The following RAB3C variants were observed in gnomAD, a reference collection of about 807,000 sequenced individuals.
RAB3C encodes the protein ras-related protein Rab-3C.
RAB3C carries 17 observed loss-of-function variants against 26.4 expected under a neutral mutation model. That is an observed-to-expected ratio of 0.64 (90% CI 0.44 to 0.97). RAB3C has a LOEUF of 0.97. Ranked by LOEUF, RAB3C falls within the 50% of genes least tolerant of loss-of-function variation. The probability of loss-of-function intolerance (pLI) is 0.00; values close to 1 mark genes in which losing one functional copy is unlikely to be tolerated. For missense variants in RAB3C, 242 were observed against 281.9 expected, an observed-to-expected ratio of 0.86 and a Z score of 1.01; for synonymous variants, 91 against 95.9, an observed-to-expected ratio of 0.95 and a Z score of 0.30.
chr5:58,849,433 C>G (rs1214488230), intron 4 of RAB3C, among the ~76,000 whole-genome samples: 1 of 152,120 alleles, frequency 6.6e-6, no homozygotes, highest in African/African-American at 2.4e-5. Context: ...CTTGCCTTTC[C>G]CCAAATCTGG....
chr5:58,797,339 C>CA (rs1206716376), intron 3 of RAB3C, among the ~76,000 whole-genome samples: 460 of 12,600 alleles, frequency 0.037, 13 homozygotes, highest in Non-Finnish European at 0.071. Flanking sequence ...CCCTGGAAGA[C>CA]AAAAAAAAAA....
intron 2 of RAB3C, among the ~76,000 whole-genome samples, chr5:58,667,945 A>G (rs1748034265): frequency 6.6e-6 from 1 of 152,092 alleles, no homozygotes; most frequent in Non-Finnish European, 1.5e-5. Context: ...TTCATCCTCC[A>G]TTGGGCTCAA....
chr5:58,694,817 A>T (rs1292681716), intron 2 of RAB3C, among the ~76,000 whole-genome samples: 1 of 151,884 alleles, frequency 6.6e-6, no homozygotes, highest in Admixed American at 6.6e-5. Flanking sequence ...TTCTTTGTAG[A>T]TTCTGGATAT....
chr5:58,745,150 C>G (rs1159123562), intron 3 of RAB3C, among the ~76,000 whole-genome samples: 1 of 151,966 alleles, frequency 6.6e-6, no homozygotes, highest in African/African-American at 2.4e-5. Context: ...GTAATCCAAG[C>G]ACTTTGGGAG....
At chr5:58,705,184 C>A (rs1748919645) in intron 2 of RAB3C, among the ~76,000 whole-genome samples, 2 of 152,116 alleles carry the variant, frequency 1.3e-5, no homozygotes, top group South Asian at 2.1e-4. Context: ...TTCAGTGAAT[C>A]TCTGCTTTCA....
upstream of RAB3C, among the ~76,000 whole-genome samples, chr5:58,582,590 G>A (rs1389348889): frequency 1.3e-5 from 2 of 152,194 alleles, no homozygotes; most frequent in Admixed American, 1.3e-4. Flanking sequence ...CCCTACGTTT[G>A]GTGAATGAGA....
intron 1 of RAB3C, among the ~76,000 whole-genome samples, chr5:58,612,536 ATATATATATATG>A (rs371556302): frequency 0.19 from 17,732 of 94,760 alleles, 1,636 homozygotes; most frequent in Non-Finnish European, 0.24. Context: ...ATATATATAT[ATATATATATATG>A]TATATATATA....
chr5:58,702,602 CCTG>C (rs1486293800), intron 2 of RAB3C, among the ~76,000 whole-genome samples: 2 of 152,016 alleles, frequency 1.3e-5, no homozygotes, highest in Non-Finnish European at 2.9e-5. Flanking sequence ...TTCTCTCTCT[CCTG>C]CACACACACA....
chr5:58,689,791 C>G (rs1357459973), intron 2 of RAB3C, among the ~76,000 whole-genome samples: 1 of 152,122 alleles, frequency 6.6e-6, no homozygotes, highest in Non-Finnish European at 1.5e-5. Flanking sequence ...AACTTCTCCT[C>G]AAAGCCCTGA....
rs527989663 is a variant in RAB3C, at chr5:58,715,424, T to C, written c.253-10578T>C. On this transcript the variant is annotated intron_variant, in intron 2 of 4. Transcript: ENST00000282878. Reference sequence around the variant, plus strand: ...GGAAAGATAATTTCTTGTCTAATTGTATCTTTAAAAGTACGGAAGGGAATT... The same window carrying C: ...GGAAAGATAATTTCTTGTCTAATTGCATCTTTAAAAGTACGGAAGGGAATT... Among the ~76,000 whole-genome samples the C allele has an allele frequency of 4.6e-5, 7 of 152,224 alleles. No homozygotes were observed. The South Asian group carries it at 1.2e-3, about 27-fold the overall frequency.
chr5:58,693,347 T>TATATAC (rs1554048079), intron 2 of RAB3C, among the ~76,000 whole-genome samples: 1 of 137,852 alleles, frequency 7.3e-6, no homozygotes, highest in African/African-American at 3.0e-5. Flanking sequence ...TATATATATA[T>TATATAC]ATATATATAT....
In RAB3C at chr5:58,617,742, G is replaced by A; in HGVS notation, c.124G>A (p.Gly42Arg). The change falls in exon 2 of 5, where the codon GGG becomes AGG. Residue 42 changes from glycine to arginine, a missense_variant. Gly to Arg is a moderately radical substitution (Grantham distance 125). Transcript: ENST00000282878. Reference protein sequence around the residue: ...KLLIIGNSSVGKTSFLFRYAD... With the variant: ...KLLIIGNSSVRKTSFLFRYAD... Reference sequence around the variant, plus strand: ...ACTCATCATCGGCAATAGCAGTGTGGGGAAAACATCTTTTCTATTCCGTTA... The same window carrying A: ...ACTCATCATCGGCAATAGCAGTGTGAGGAAAACATCTTTTCTATTCCGTTA... 1.2e-6 allele frequency: 2 copies of A among 1,613,880 alleles called. No homozygotes were observed. The highest frequency in any genetic ancestry group is 1.7e-6 in the Non-Finnish European group (2 of 1,179,852).
chr5:58,651,205 G>A (rs963439592), intron 2 of RAB3C, among the ~76,000 whole-genome samples: 10 of 152,202 alleles, frequency 6.6e-5, no homozygotes, highest in African/African-American at 2.4e-4. Context: ...AGAGTTGTGA[G>A]GTAGAAATGC....
intron 4 of RAB3C, among the ~76,000 whole-genome samples, chr5:58,831,106 G>A (rs1743604716): frequency 6.6e-6 from 1 of 152,034 alleles, no homozygotes; most frequent in South Asian, 2.1e-4. Flanking sequence ...TGGAACTCTT[G>A]GGTTCAAGCA....
At chr5:58,769,041 G>A (rs1741969783) in intron 3 of RAB3C, among the ~76,000 whole-genome samples, 1 of 152,032 alleles carries the variant, frequency 6.6e-6, no homozygotes, top group Admixed American at 6.6e-5. Flanking sequence ...TCAGAATCAG[G>A]CTACATATTG....
intron 1 of RAB3C, among the ~76,000 whole-genome samples, chr5:58,612,247 AT>A (rs1186523024): frequency 5.3e-5 from 8 of 151,696 alleles, no homozygotes; most frequent in Non-Finnish European, 5.9e-5. Context: ...ATTTTAAAAT[AT>A]TTTTTTCTAG....
rs866541404 is a variant in RAB3C at position 58,682,697 on chromosome 5, A to G, written c.253-43305A>G. 4.3e-3 allele frequency among the ~76,000 whole-genome samples: 519 copies of G among 121,860 alleles called. 1 individual carries two copies. Among genetic ancestry groups the G allele is most frequent in the African/African-American group, 0.019 (490 of 26,230 alleles). The allele number at this position is 121,860 out of a possible 152,430, so 79.9% of individuals were successfully genotyped here. A position where few individuals can be genotyped will look rare whatever the true frequency, so the allele number is the denominator to read the frequency against. On this transcript the variant is annotated intron_variant, in intron 2 of 4. Transcript: ENST00000282878. ...AGACTCCGTCTCAAAAAGAAAAAAG[A>G]AAAAAAAAAAAAAAGACAGTTTTTA... is the stretch of plus-strand genomic sequence containing the variant.
chr5:58,614,858 T>C (rs1212404969), intron 1 of RAB3C, among the ~76,000 whole-genome samples: 1 of 152,180 alleles, frequency 6.6e-6, no homozygotes, highest in Non-Finnish European at 1.5e-5. Context: ...ACTGAACATG[T>C]ATAGACTTTT....
At chr5:58,630,653 C>T (rs770892635) in intron 2 of RAB3C, among the ~76,000 whole-genome samples, 6 of 152,154 alleles carry the variant, frequency 3.9e-5, no homozygotes, top group Admixed American at 6.5e-5. Flanking sequence ...TTCCACTGTA[C>T]ACTCATGGGA....
Sources: gnomAD v4.1 joint callset for allele counts (sites outside exome capture counted in the v4.1 genomes callset) on GRCh38, gnomAD v4.1.1 for gene constraint, MANE v1.5 for transcripts, NCBI Gene and HGNC (gene_info 2026-07-23, HGNC 2026-07-21) for gene names.